Variants in EPHX2 observed in about 807,000 individuals in gnomAD.
EPHX2 encodes the protein bifunctional epoxide hydrolase 2.
In EPHX2, 74 loss-of-function variants were observed where a neutral mutation model predicts 78.7. The observed-to-expected ratio is 0.94, with a 90% CI of 0.78 to 1.14. The LOEUF is 1.14. Among genes scored for constraint, EPHX2 ranks in the 50% most tolerant of loss-of-function variants. EPHX2 has a pLI of 0.00. For synonymous variants in EPHX2, 251 were observed against 255.2 expected, an observed-to-expected ratio of 0.98 and a Z score of 0.16; for missense variants, 715 against 702.5, an observed-to-expected ratio of 1.02 and a Z score of -0.20.
Position 27,544,204 on chromosome 8 carries a change from G to A in EPHX2, c.1549G>A (p.Gly517Arg), listed in dbSNP as rs748820626. 6.2e-7 allele frequency: 1 copy of A among 1,614,132 alleles called. No homozygotes were observed. The change falls in exon 18 of 19, where the codon GGA (glycine) becomes AGA (arginine). Residue 517 changes from glycine to arginine, a missense_variant. Gly to Arg is a moderately radical substitution (Grantham distance 125). Transcript: ENST00000521400. ...CTTTCAGATTCCCCACCTGAAAAGG[G>A]GACACATTGAGGACTGTGGGCACTG... ...MEDWIPHLKRGHIEDCGHWTQ... is the reference protein window; with the variant it reads ...MEDWIPHLKRRHIEDCGHWTQ...
chr8:27,524,020 C>T (rs777528338), intron 11 of EPHX2, among the ~76,000 whole-genome samples: 7 of 151,562 alleles, frequency 4.6e-5, no homozygotes, highest in Non-Finnish European at 7.4e-5. Flanking sequence ...GCAACCTCTA[C>T]CTTCTGGGTT....
At chr8:27,512,298 C>T (rs1172467407) in intron 6 of EPHX2, among the ~76,000 whole-genome samples, 2 of 152,182 alleles carry the variant, frequency 1.3e-5, no homozygotes, top group Non-Finnish European at 2.9e-5. Flanking sequence ...GGCTAGGGAG[C>T]TTGGGCAGCC....
At chr8:27,500,348 A>G (rs559876552) in intron 1 of EPHX2, among the ~76,000 whole-genome samples, 6 of 152,170 alleles carry the variant, frequency 3.9e-5, no homozygotes, top group African/African-American at 1.4e-4. Context: ...CTCCCCAGCT[A>G]TGCTTCCTCT....
chr8:27,523,318 C>A (rs941580801), intron 11 of EPHX2, among the ~76,000 whole-genome samples: 1 of 152,214 alleles, frequency 6.6e-6, no homozygotes, highest in Non-Finnish European at 1.5e-5. Context: ...GTCATGGTCC[C>A]CACCATTTCA....
At chr8:27,518,015 G>A (rs1585203467) in intron 8 of EPHX2, 23 bp from the exon 9 acceptor site, 2 of 1,559,872 alleles carry the variant, frequency 1.3e-6, no homozygotes, top group Non-Finnish European at 1.8e-6. Context: ...AATTAAATAT[G>A]TTTCTTTTAT....
chr8:27,516,011 A>G (rs1478169152), intron 7 of EPHX2, among the ~76,000 whole-genome samples, 198 bp downstream of exon 7: 2 of 152,204 alleles, frequency 1.3e-5, no homozygotes, highest in African/African-American at 2.4e-5. Context: ...GCAGATTAGA[A>G]AAGGGCAGAC....
At chr8:27,500,437 G>A (rs1004204134) in intron 1 of EPHX2, among the ~76,000 whole-genome samples, 5 of 152,154 alleles carry the variant, frequency 3.3e-5, no homozygotes, top group African/African-American at 1.2e-4. Context: ...TTATAGCAGT[G>A]TGAGAACAGA....
intron 10 of EPHX2, among the ~76,000 whole-genome samples, chr8:27,521,843 T>G (rs1308374865): frequency 1.3e-5 from 2 of 152,180 alleles, no homozygotes; most frequent in Non-Finnish European, 2.9e-5. Flanking sequence ...CATCTAGGTT[T>G]CGCTCTGTGA....
rs766178696 is a variant in EPHX2, at chr8:27,544,556, C to T, written c.*34C>T. 53 of 1,606,422 alleles carry T rather than the reference C, an allele frequency of 3.3e-5. No individual in the cohort carries two copies. The highest frequency in any genetic ancestry group is 3.7e-5 in the Non-Finnish European group (44 of 1,174,308). Reference sequence around the variant, plus strand: ...GTGTGCCCACGCTCAGCAGGTGTGCCATCCTTCCACCTGCTGGGGCACCAT... The same window carrying T: ...GTGTGCCCACGCTCAGCAGGTGTGCTATCCTTCCACCTGCTGGGGCACCAT... On this transcript the variant is annotated 3_prime_UTR_variant, in exon 19 of 19. Transcript: ENST00000521400.
At chr8:27,541,177 C>T (rs1253851069) in intron 15 of EPHX2, among the ~76,000 whole-genome samples, 1 of 152,154 alleles carries the variant, frequency 6.6e-6, no homozygotes, top group African/African-American at 2.4e-5. Flanking sequence ...TCCAAGGTGA[C>T]ACGATGACAT....
At chr8:27,546,843 C>G (rs556528606), downstream of EPHX2, among the ~76,000 whole-genome samples, 29 of 152,160 alleles carry the variant, frequency 1.9e-4, no homozygotes, top group Non-Finnish European at 3.2e-4. Flanking sequence ...CTACTGGAGA[C>G]TGGCTACTTT....
chr8:27,502,465 C>T (rs1292141435), intron 2 of EPHX2, among the ~76,000 whole-genome samples: 1 of 152,196 alleles, frequency 6.6e-6, no homozygotes, highest in Non-Finnish European at 1.5e-5. Context: ...TCTTACATAG[C>T]ACCTTCAGCT....
rs533418045 is a variant in EPHX2 at position 27,494,624 on chromosome 8, A to G, written c.101+3315A>G. 2.6e-3 allele frequency among the ~76,000 whole-genome samples: 398 copies of G among 152,308 alleles called. 1 individual carries two copies. Among genetic ancestry groups the G allele is most frequent in the African/African-American group, 9.1e-3 (379 of 41,568 alleles). ...CCAGTCTTCTCCTAGATAGTGCCCT[A>G]TTCTTTGTTCCCCCAGAGGGGCCTT... On this transcript the variant is annotated intron_variant, in intron 1 of 18. Transcript: ENST00000521400.
chr8:27,493,788 G>A (rs918334405), intron 1 of EPHX2, among the ~76,000 whole-genome samples: 2 of 152,222 alleles, frequency 1.3e-5, no homozygotes, highest in Non-Finnish European at 2.9e-5. Flanking sequence ...TTAAAAAGGT[G>A]TGTGAGTTTG....
Position 27,506,869 on chromosome 8 carries a change from C to T in EPHX2, c.538-3C>T. The stretch of plus-strand genomic sequence containing the variant: ...AGATTCTCCCATGCTGTTTTGGGCT[C>T]AGGTCGTTTTTTTGGATGACATCGG... On this transcript the variant is annotated splice_polypyrimidine_tract_variant and splice_region_variant and intron_variant, in intron 4 of 18. Transcript: ENST00000521400. 1 of 1,613,656 alleles carries T rather than the reference C, an allele frequency of 6.2e-7. No homozygotes were observed. The highest frequency in any genetic ancestry group is 8.5e-7 in the Non-Finnish European group (1 of 1,179,814).
rs372176779 is a variant in EPHX2, at chr8:27,531,799, CAA to C, written c.1171-4984_1171-4983del. On this transcript the variant is annotated intron_variant, in intron 12 of 18. Transcript: ENST00000521400. ...CCTGTTCTCTACCTTGGAAAGGACA[CAA>C]GAGAAGATTAAAGAGGAGAAACTCC... is the stretch of plus-strand genomic sequence containing the variant. Among the ~76,000 whole-genome samples the C allele has an allele frequency of 3.6e-3, 541 of 152,226 alleles. 5 individuals are homozygous for C. The highest frequency in any genetic ancestry group is 0.012 in the African/African-American group (514 of 41,538).
rs777782256 is a variant in EPHX2 at position 27,515,832 on chromosome 8, A to G, written c.831+19A>G. 3.2e-5 allele frequency: 52 copies of G among 1,608,290 alleles called. 1 individual carries two copies. In the Admixed American group the frequency reaches 3.7e-4, roughly 11 times the overall value. ...GTACCAGGTGAGAAAGCTGGGGAAG[A>G]TGCAGCCAGTCAGGGTGAGGTTGGG... On this transcript the variant is annotated intron_variant, in intron 7 of 18. Coordinates refer to ENST00000521400, the MANE Select transcript of EPHX2 (RefSeq NM_001979.6).
At chr8:27,516,710 C>G (rs901650251) in intron 8 of EPHX2, among the ~76,000 whole-genome samples, 5 of 152,176 alleles carry the variant, frequency 3.3e-5, no homozygotes, top group Middle Eastern at 3.2e-3. Flanking sequence ...TCTTGCAAAA[C>G]TGAAAGGCTG....
rs141070122 is a variant in EPHX2 at position 27,534,138 on chromosome 8, CTG to C, written c.1171-2643_1171-2642del. Reference sequence around the variant, plus strand: ...TGCTTCTTCCCATGGCTATTTCTCACTGTGGCATTCATCATCATGTTGCGGAA... The same window carrying C: ...TGCTTCTTCCCATGGCTATTTCTCACTGGCATTCATCATCATGTTGCGGAA... On this transcript the variant is annotated intron_variant, in intron 12 of 18. Transcript: ENST00000521400. Among the ~76,000 whole-genome samples, 1,378 of 152,342 alleles carry C rather than the reference CTG, an allele frequency of 9.0e-3. 29 individuals carry two copies. The highest frequency in any genetic ancestry group is 0.032 in the African/African-American group (1,332 of 41,570).
Sources: allele counts gnomAD v4.1 joint callset (sites outside exome capture counted in the v4.1 genomes callset), GRCh38; gene constraint gnomAD v4.1.1; transcripts MANE v1.5; gene names NCBI Gene and HGNC (gene_info 2026-07-23, HGNC 2026-07-21).